WDPCP: variants seen among roughly 807,000 people sequenced by gnomAD.
The protein encoded by WDPCP is WD repeat containing planar cell polarity effector, also known as WD repeat-containing and planar cell polarity effector protein fritz homolog.
Under a neutral mutation model 93.1 loss-of-function variants are expected in WDPCP, and 71 were observed. That is an observed-to-expected ratio of 0.76 (90% CI 0.63 to 0.93). The LOEUF is 0.93. WDPCP is among the 40% of genes least tolerant of loss of function. The pLI is 0.00. For synonymous variants in WDPCP, 315 were observed against 315.0 expected (o/e 1.00, Z 0.00); for missense variants, 844 against 887.4 (o/e 0.95, Z 0.62).
chr2:63,342,442 T>A (rs2104468246), intron 12 of WDPCP, among the ~76,000 whole-genome samples: 1 of 152,252 alleles, frequency 6.6e-6, no homozygotes, highest in East Asian at 1.9e-4. Context: ...TGTGTTTTGT[T>A]ATATAATTCT....
In WDPCP at chr2:63,433,815, C is replaced by G; in HGVS notation, c.755G>C (p.Trp252Ser). 1 of 1,613,748 alleles carries G rather than the reference C, an allele frequency of 6.2e-7. No homozygotes were observed. Among genetic ancestry groups the G allele is most frequent in the Non-Finnish European group, 8.5e-7 (1 of 1,179,856 alleles). The change falls in exon 9 of 18, where the codon TGG becomes TCG. Residue 252 changes from tryptophan (W) to serine (S), a missense_variant. Physicochemically the swap from Trp to Ser is radical, Grantham distance 177. Transcript: ENST00000272321. ...GTCCTTCTCAGAAGAAATGGGGGCC[C>G]AAGGCCAAGCATCATCGTTGACCAG... ...WPLVNDDAWP[W>S]APISSEKDRA...
rs755761834 is a variant in WDPCP at position 63,795,178 on chromosome 2, C to A, written n.308+18444G>T. Among the ~76,000 whole-genome samples the A allele has an allele frequency of 1.2e-4, 19 of 152,202 alleles. No individual in the cohort carries two copies. The South Asian group carries it at 1.7e-3, about 13-fold the overall frequency. On this transcript the variant is annotated intron_variant and non_coding_transcript_variant, in intron 2 of 4. Transcript: ENST00000467687. ...AACCTAAATGATAAAGAATTTGCTA[C>A]CAGAATGTGGAATTCTGCAAATAAC...
intron 12 of WDPCP, chr2:63,369,292 T>A: frequency 2.5e-6 from 1 of 405,202 alleles, no homozygotes; most frequent in Non-Finnish European, 4.9e-6. Flanking sequence ...TTTTAATCCT[T>A]GCCAAACTAA....
chr2:63,202,758 A>G (rs1676013195), intron 14 of WDPCP, among the ~76,000 whole-genome samples: 1 of 152,128 alleles, frequency 6.6e-6, no homozygotes, highest in African/African-American at 2.4e-5. Flanking sequence ...AGATACCAAG[A>G]CTGCGCATCA....
chr2:63,129,807 A>G (rs1415892935), intron 17 of WDPCP, among the ~76,000 whole-genome samples: 1 of 152,222 alleles, frequency 6.6e-6, no homozygotes, highest in Non-Finnish European at 1.5e-5. Context: ...TAGTATCTGC[A>G]TATAATCTAT....
chr2:63,757,561 G>A (rs900959289), intron 2 of WDPCP, among the ~76,000 whole-genome samples: 1 of 152,162 alleles, frequency 6.6e-6, no homozygotes, highest in Non-Finnish European at 1.5e-5. Context: ...AAGGGAATGG[G>A]TGGGTATATT....
chr2:63,306,268 A>G (rs1321771962), intron 13 of WDPCP, among the ~76,000 whole-genome samples: 2 of 151,442 alleles, frequency 1.3e-5, no homozygotes, highest in African/African-American at 2.4e-5. Context: ...AACCAAAAAA[A>G]GCCCAGGACC....
chr2:63,656,012 G>A (rs1480603687), intron 2 of WDPCP, among the ~76,000 whole-genome samples: 2 of 152,176 alleles, frequency 1.3e-5, no homozygotes, highest in South Asian at 2.1e-4. Context: ...TTAATCTGAT[G>A]AAGGACGGGG....
chr2:63,545,848 G>A (rs567114794), intron 1 of WDPCP, among the ~76,000 whole-genome samples: 4 of 149,834 alleles, frequency 2.7e-5, no homozygotes, highest in South Asian at 2.1e-4. Context: ...TGAACGAGGC[G>A]CTCAGATTTA....
chr2:63,275,015 A>C (rs1682971700), intron 13 of WDPCP, among the ~76,000 whole-genome samples: 1 of 152,050 alleles, frequency 6.6e-6, no homozygotes. Flanking sequence ...TAGGCCAAAA[A>C]CCTACGGGCC....
intron 13 of WDPCP, among the ~76,000 whole-genome samples, chr2:63,266,926 A>T (rs1450990420): frequency 6.6e-6 from 1 of 152,212 alleles, no homozygotes; most frequent in East Asian, 1.9e-4. Context: ...GTACTAATTC[A>T]TTGCAATTCC....
intron 1 of WDPCP, among the ~76,000 whole-genome samples, chr2:63,541,702 G>A (rs1296985519): frequency 6.6e-6 from 1 of 152,102 alleles, no homozygotes; most frequent in Non-Finnish European, 1.5e-5. Context: ...GTAAAAGCCA[G>A]TGCCATACCA....
chr2:63,251,536 G>A (rs958134065), intron 14 of WDPCP, among the ~76,000 whole-genome samples: 2 of 143,754 alleles, frequency 1.4e-5, no homozygotes, highest in African/African-American at 5.3e-5. Flanking sequence ...CTGTCGTCGA[G>A]GCTGGAGTGC....
intron 3 of WDPCP, among the ~76,000 whole-genome samples, chr2:63,637,494 A>C (rs1398174839): frequency 1.3e-5 from 2 of 150,694 alleles, no homozygotes; most frequent in Non-Finnish European, 3.0e-5. Flanking sequence ...ACAGAATGGG[A>C]GAAAATATAT....
intron 14 of WDPCP, among the ~76,000 whole-genome samples, chr2:63,220,849 T>C (rs1463691387): frequency 6.6e-6 from 1 of 152,136 alleles, no homozygotes; most frequent in African/African-American, 2.4e-5. Context: ...ATCCTGATGC[T>C]CTCCCTCCCC....
At chr2:63,540,734 A>T (rs1704646728) in intron 1 of WDPCP, among the ~76,000 whole-genome samples, 1 of 151,950 alleles carries the variant, frequency 6.6e-6, no homozygotes, top group Admixed American at 6.6e-5. Flanking sequence ...ATCCATTTTG[A>T]TATAGTGGTT....
At chr2:63,647,973 T>C (rs1265455406) in intron 3 of WDPCP, among the ~76,000 whole-genome samples, 1 of 152,192 alleles carries the variant, frequency 6.6e-6, no homozygotes, top group Admixed American at 6.5e-5. Flanking sequence ...TGAGAATGAA[T>C]GATGTAACCC....
At chr2:63,195,503 A>C (rs1675357587) in intron 14 of WDPCP, among the ~76,000 whole-genome samples, 1 of 152,084 alleles carries the variant, frequency 6.6e-6, no homozygotes, top group Admixed American at 6.5e-5. Context: ...TCATTCTGGC[A>C]TCCAGGCTGG....
At chr2:63,214,014 T>G (rs983664669) in intron 14 of WDPCP, among the ~76,000 whole-genome samples, 1 of 152,116 alleles carries the variant, frequency 6.6e-6, no homozygotes, top group African/African-American at 2.4e-5. Context: ...CAGGACCAGA[T>G]GGATTCACAG....
Sources: gnomAD v4.1 joint callset for allele counts (sites outside exome capture counted in the v4.1 genomes callset) on GRCh38, gnomAD v4.1.1 for gene constraint, MANE v1.5 for transcripts, NCBI Gene and HGNC (gene_info 2026-07-23, HGNC 2026-07-21) for gene names.